The following NIPBL variants were observed in gnomAD, a reference collection of about 807,000 sequenced individuals.
NIPBL encodes NIPBL cohesin loading factor, also known as nipped-B-like protein.
A neutral mutation model predicts 321.8 loss-of-function variants in NIPBL; 19 were observed. The observed-to-expected ratio is 0.06, with a 90% confidence interval of 0.04 to 0.09. The LOEUF (loss-of-function observed/expected upper bound fraction) is 0.09. NIPBL is among the 10% of genes least tolerant of loss of function. The pLI is 1.00. For synonymous variants in NIPBL, 1,106 were observed against 1,114.1 expected (o/e 0.99, Z 0.14); for missense variants, 2,210 against 3,327.0 (o/e 0.66, Z 8.26).
At chr5:37,028,507 A>G (rs1314771571) in intron 32 of NIPBL, among the ~76,000 whole-genome samples, 1 of 151,664 alleles carries the variant, frequency 6.6e-6, no homozygotes, top group East Asian at 1.9e-4. Flanking sequence ...CACCCAGCTA[A>G]TTTTTGTATT....
intron 1 of NIPBL, among the ~76,000 whole-genome samples, chr5:36,931,507 G>A (rs920536835): frequency 3.9e-5 from 6 of 152,006 alleles, no homozygotes; most frequent in South Asian, 4.2e-4. Context: ...CTATAGAGAC[G>A]AGGTTTTTCC....
intron 1 of NIPBL, among the ~76,000 whole-genome samples, chr5:36,933,169 T>C (rs1000783821): frequency 6.6e-6 from 1 of 152,122 alleles, no homozygotes; most frequent in Non-Finnish European, 1.5e-5. Context: ...AAAAACATAC[T>C]GTTTTTTAAA....
chr5:36,972,823 T>C (rs1460524021), intron 8 of NIPBL, among the ~76,000 whole-genome samples: 1 of 152,208 alleles, frequency 6.6e-6, no homozygotes, highest in Non-Finnish European at 1.5e-5. Flanking sequence ...CTGTTAATTT[T>C]TAAATCTCTC....
At chr5:36,901,452 G>GTA (rs1031414833) in intron 1 of NIPBL, among the ~76,000 whole-genome samples, 3 of 144,708 alleles carry the variant, frequency 2.1e-5, no homozygotes, top group African/African-American at 7.7e-5. Flanking sequence ...ATTGCTTTGA[G>GTA]TATATACTCA....
At chr5:37,022,490 T>G in intron 29 of NIPBL, 100 bp downstream of exon 29, 4 of 993,410 alleles carry the variant, frequency 4.0e-6, no homozygotes, top group Non-Finnish European at 5.7e-6. Context: ...AATGTACCAA[T>G]TATATATTTA....
Position 36,984,750 on chromosome 5 carries a change from G to A in NIPBL, c.1570G>A (p.Ala524Thr). 1 of 1,613,782 alleles carries A rather than the reference G, an allele frequency of 6.2e-7. No homozygotes were observed. Among genetic ancestry groups the A allele is most frequent in the Non-Finnish European group, 8.5e-7 (1 of 1,179,788 alleles). ...AGGATGGNRP[A>T]SQETGSTGNG... ...GGGTGCTACAGGAGGTAATAGACCAGCTTCTCAGGAGACGGGTTCTACGGG... is the reference window on the plus strand; with the variant it reads ...GGGTGCTACAGGAGGTAATAGACCAACTTCTCAGGAGACGGGTTCTACGGG... Residue 524 changes from alanine to threonine, a missense_variant, in exon 10 of 47, where the codon GCT (alanine) becomes ACT (threonine). This residue lies in a region of NIPBL where 588 missense variants were observed against 564.1 expected (regional missense o/e 1.04). Transcript: ENST00000282516.
chr5:36,900,409 C>T (rs114885202), intron 1 of NIPBL, among the ~76,000 whole-genome samples: 2,109 of 152,170 alleles, frequency 0.014, 54 homozygotes, highest in African/African-American at 0.049. Context: ...GAACCAGTCC[C>T]CTCAGGGCCA....
In NIPBL at chr5:36,971,094, T is replaced by C. The variant is rs1444588191; in HGVS notation, c.771+58T>C. On this transcript the variant is annotated intron_variant, in intron 7 of 46. Coordinates refer to ENST00000282516, the MANE Select transcript of NIPBL (RefSeq NM_133433.4). ...TAGTTCTAATATTTGTCATATAACC[T>C]AGTATTTCCATTTCAAAATTTGAAT... is the stretch of plus-strand genomic sequence containing the variant. 1.2e-5 allele frequency: 17 copies of C among 1,442,408 alleles called. No individual in the cohort carries two copies. In the East Asian group the frequency reaches 3.8e-4, roughly 32 times the overall value. 89.4% of individuals were successfully genotyped at this position (1,442,408 alleles called of 1,614,324 possible).
At chr5:36,965,921 A>AT (rs929126510) in intron 6 of NIPBL, among the ~76,000 whole-genome samples, 39 of 152,004 alleles carry the variant, frequency 2.6e-4, no homozygotes, top group Middle Eastern at 6.8e-3. Flanking sequence ...GAAAGGTTGC[A>AT]TTTTTTTTCA....
intron 38 of NIPBL, 109 bp from the exon 39 acceptor site, chr5:37,048,393 T>C: frequency 1.6e-6 from 1 of 616,208 alleles, no homozygotes; most frequent in East Asian, 4.2e-5. Context: ...ATTTTAAGTT[T>C]TAATTTTTTG....
At chr5:37,017,891 A>G (rs1251028615) in intron 24 of NIPBL, among the ~76,000 whole-genome samples, 1 of 152,140 alleles carries the variant, frequency 6.6e-6, no homozygotes, top group Non-Finnish European at 1.5e-5. Flanking sequence ...ACAATTTACA[A>G]AATTTCCTTT....
intron 14 of NIPBL, 68 bp from the exon 15 acceptor site, chr5:37,002,594 A>G: frequency 9.4e-7 from 1 of 1,069,488 alleles, no homozygotes; most frequent in Non-Finnish European, 1.4e-6. Flanking sequence ...TTAGAAAGTT[A>G]AGCTTGACAT....
intron 1 of NIPBL, among the ~76,000 whole-genome samples, chr5:36,918,466 G>A (rs1458433460): frequency 1.3e-5 from 2 of 152,242 alleles, no homozygotes; most frequent in South Asian, 4.1e-4. Context: ...CATGTCATCT[G>A]CAAACAGGGA....
chr5:36,891,765 G>A (rs1310310746), intron 1 of NIPBL, among the ~76,000 whole-genome samples: 2 of 152,136 alleles, frequency 1.3e-5, no homozygotes, highest in Non-Finnish European at 1.5e-5. Context: ...TTTTTGGATA[G>A]TAGGCAGGAA....
chr5:37,028,903 C>G (rs555648669), intron 32 of NIPBL, among the ~76,000 whole-genome samples: 205 of 152,210 alleles, frequency 1.3e-3, no homozygotes, highest in African/African-American at 4.8e-3. Context: ...TTTTCTCATG[C>G]GACTTGTATG....
At chr5:36,933,537 A>G (rs1249202786) in intron 1 of NIPBL, among the ~76,000 whole-genome samples, 2 of 152,146 alleles carry the variant, frequency 1.3e-5, no homozygotes, top group African/African-American at 4.8e-5. Context: ...TCAGGAAAGA[A>G]AAGGATTATA....
chr5:36,908,930 T>C (rs1747844840), intron 1 of NIPBL, among the ~76,000 whole-genome samples: 1 of 152,242 alleles, frequency 6.6e-6, no homozygotes, highest in Non-Finnish European at 1.5e-5. Flanking sequence ...TGCAAATACT[T>C]TACAGAGCTA....
At position 37,057,311 on chromosome 5, in the gene NIPBL, C is replaced by G; in HGVS notation, c.7389C>G (p.Asn2463Lys). 1 of 1,613,714 alleles carries G rather than the reference C, an allele frequency of 6.2e-7. No homozygotes were observed. The highest frequency in any genetic ancestry group is 8.5e-7 in the Non-Finnish European group (1 of 1,179,696). ...TTACACTCTCAGTTTCTGGTAGTAA[C>G]CTACTGCAGTCATTCAAGGAGGTAA... ...IDITLSVSGS[N>K]LLQSFKESMV... Residue 2463 changes from asparagine (N) to lysine (K), a missense_variant, in exon 43 of 47, where the codon AAC becomes AAG. Coordinates refer to ENST00000282516, the MANE Select transcript of NIPBL (RefSeq NM_133433.4).
intron 30 of NIPBL, among the ~76,000 whole-genome samples, chr5:37,025,535 AAG>A (rs1750164326): frequency 6.6e-6 from 1 of 152,190 alleles, no homozygotes; most frequent in South Asian, 2.1e-4. Context: ...GGGTTGAATA[AAG>A]AGGGGTTGGT....
Sources: gnomAD v4.1 joint callset for allele counts (sites outside exome capture counted in the v4.1 genomes callset) on GRCh38, gnomAD v4.1.1 for gene constraint, gnomAD v4.1.1 regional missense constraint, MANE v1.5 for transcripts, NCBI Gene and HGNC (gene_info 2026-07-23, HGNC 2026-07-21) for gene names.